RANBP3: variants seen among roughly 807,000 people sequenced by gnomAD.
RANBP3 encodes RAN binding protein 3.
A neutral mutation model predicts 77.3 loss-of-function variants in RANBP3; 14 were observed. That is an observed-to-expected ratio of 0.18 (90% CI 0.12 to 0.28). RANBP3 has a LOEUF of 0.28. RANBP3 is among the 10% of genes least tolerant of loss of function. The pLI, the probability that RANBP3 is intolerant of heterozygous loss-of-function variation, is 1.00. For missense variants in RANBP3, 586 were observed against 752.3 expected (o/e 0.78, Z 2.59); for synonymous variants, 315 against 312.4 (o/e 1.01, Z -0.09).
Position 5,916,446 on chromosome 19 carries a change from C to T in RANBP3, c.*1164G>A, listed in dbSNP as rs918528489. The T allele has an allele frequency of 6.6e-6, 1 of 152,298 alleles. No individual in the cohort carries two copies. The highest frequency in any genetic ancestry group is 2.4e-5 in the African/African-American group (1 of 41,452). 9.4% of individuals were successfully genotyped at this position (152,298 alleles called of 1,614,324 possible). On this transcript the variant is annotated 3_prime_UTR_variant, in exon 17 of 17. Transcript: ENST00000340578. ...TGAAGTCCCAAAGAGGCCCTGTGCC[C>T]AGGGGACCTCCTCCTCGGCCTCCCA...
chr19:5,933,384 C>A, intron 6 of RANBP3, 30 bp downstream of exon 6: 1 of 1,575,034 alleles, frequency 6.3e-7, no homozygotes, highest in Admixed American at 1.8e-5. Context: ...CAGAGAGCCA[C>A]CCCCCGCCCC....
At chr19:5,930,213 G>A (rs941337027) in intron 8 of RANBP3, among the ~76,000 whole-genome samples, 1 of 152,230 alleles carries the variant, frequency 6.6e-6, no homozygotes, top group Non-Finnish European at 1.5e-5. Context: ...AAGCTTCCAA[G>A]CCGCAGAATG....
At chr19:5,922,622 G>C (rs529474221) in intron 13 of RANBP3, among the ~76,000 whole-genome samples, 2 of 152,368 alleles carry the variant, frequency 1.3e-5, no homozygotes, top group East Asian at 3.9e-4. Context: ...TGGTATGACA[G>C]TCTTTGTCAT....
Position 5,924,475 on chromosome 19 carries a change from C to T in RANBP3, c.996+352G>A, listed in dbSNP as rs986378745. Among the ~76,000 whole-genome samples the T allele has an allele frequency of 2.6e-5, 4 of 152,260 alleles. No individual in the cohort carries two copies. Among genetic ancestry groups the T allele is most frequent in the Non-Finnish European group, 5.9e-5 (4 of 68,046 alleles). On this transcript the variant is annotated intron_variant, in intron 11 of 16. Coordinates refer to ENST00000340578, the MANE Select transcript of RANBP3 (RefSeq NM_007322.3). This position sits in a 1 kb window ranked among gnomAD's most constrained non-coding sequence, Gnocchi z 4.7. ...GGAGGCCAGCAACCCTGTCCACCAGCACGGCTGGCTCCGTCCCACAGGACT... is the reference window on the plus strand; with the variant it reads ...GGAGGCCAGCAACCCTGTCCACCAGTACGGCTGGCTCCGTCCCACAGGACT...
intron 5 of RANBP3, among the ~76,000 whole-genome samples, chr19:5,934,687 A>G (rs2145100216): frequency 6.6e-6 from 1 of 152,286 alleles, no homozygotes; most frequent in South Asian, 2.1e-4. Flanking sequence ...TTAAAAACTT[A>G]GCCAGGCATG....
At chr19:5,947,009 G>A (rs1448869335) in intron 3 of RANBP3, among the ~76,000 whole-genome samples, 1 of 152,174 alleles carries the variant, frequency 6.6e-6, no homozygotes, top group East Asian at 1.9e-4. Flanking sequence ...CAGAGCTCAG[G>A]AGGATTTTAA....
At chr19:5,942,700 C>CAAAAAAAA (rs11298054) in intron 3 of RANBP3, among the ~76,000 whole-genome samples, 1 of 90,852 alleles carries the variant, frequency 1.1e-5, no homozygotes. Flanking sequence ...GACTCTGTCT[C>CAAAAAAAA]AAAAAAAAAA....
At chr19:5,919,055 CTG>C (rs1568443498) in intron 14 of RANBP3, among the ~76,000 whole-genome samples, 1 of 152,086 alleles carries the variant, frequency 6.6e-6, no homozygotes, top group Non-Finnish European at 1.5e-5. Flanking sequence ...CATGCGCTTT[CTG>C]TGTGTGTGAG....
At chr19:5,923,169 C>T (rs1318238798) in intron 13 of RANBP3, 25 bp downstream of exon 13, 1 of 1,600,442 alleles carries the variant, frequency 6.2e-7, no homozygotes, top group Non-Finnish European at 8.6e-7. Flanking sequence ...GACCCAGGGC[C>T]ACCGAGGAGG....
rs1179047939 is a variant in RANBP3 at position 5,928,091 on chromosome 19, T to A, written c.694-4A>T. Reference sequence around the variant, plus strand: ...CATTTTTCTGGGGCTCTTTCTCCTATCAAAAACCAAAACAAAACAGAGTAA... The same window carrying A: ...CATTTTTCTGGGGCTCTTTCTCCTAACAAAAACCAAAACAAAACAGAGTAA... On this transcript the variant is annotated splice_region_variant and splice_polypyrimidine_tract_variant and intron_variant, in intron 8 of 16. Coordinates refer to ENST00000340578, the MANE Select transcript of RANBP3 (RefSeq NM_007322.3). The A allele has an allele frequency of 6.2e-7, 1 of 1,606,080 alleles. No homozygotes were observed. Among genetic ancestry groups the A allele is most frequent in the South Asian group, 1.1e-5 (1 of 89,750 alleles).
intron 1 of RANBP3, among the ~76,000 whole-genome samples, chr19:5,977,125 C>T (rs1205626204): frequency 6.6e-6 from 1 of 152,172 alleles, no homozygotes; most frequent in Admixed American, 6.5e-5. Context: ...TAGGGAAAAC[C>T]CTCCAGTCAC....
chr19:5,974,335 A>G (rs775942934), intron 1 of RANBP3: 3 of 152,162 alleles, frequency 2.0e-5, no homozygotes, highest in Admixed American at 1.3e-4. Context: ...TGGAGTTCAA[A>G]TGTGCTTTGC....
At chr19:5,933,511 G>A in intron 5 of RANBP3, 32 bp from the exon 6 acceptor site, 1 of 1,601,050 alleles carries the variant, frequency 6.2e-7, no homozygotes. Context: ...TCAACAGCAG[G>A]CCTGCCTGGG....
Position 5,945,855 on chromosome 19 carries a change from C to T in RANBP3, c.283-4020G>A, listed in dbSNP as rs983797608. On this transcript the variant is annotated intron_variant, in intron 3 of 16. Coordinates refer to ENST00000340578, the MANE Select transcript of RANBP3 (RefSeq NM_007322.3). Reference sequence around the variant, plus strand: ...CTACTCGTGGCTCTAGAAGCAGCCCCGGGAACACTGTGGTGCCCCCAGGCA... The same window carrying T: ...CTACTCGTGGCTCTAGAAGCAGCCCTGGGAACACTGTGGTGCCCCCAGGCA... 8.5e-5 allele frequency among the ~76,000 whole-genome samples: 13 copies of T among 152,088 alleles called. No homozygotes were observed. In the East Asian group the frequency reaches 2.1e-3, roughly 25 times the overall value.
intron 5 of RANBP3, among the ~76,000 whole-genome samples, chr19:5,939,519 G>A (rs971001032): frequency 6.6e-6 from 1 of 152,240 alleles, no homozygotes; most frequent in Admixed American, 6.5e-5. Context: ...ACTTGGCTCT[G>A]AGTCGGAATT....
intron 1 of RANBP3, among the ~76,000 whole-genome samples, chr19:5,964,863 GTGGCAC>G (rs1568479452): frequency 4.9e-3 from 449 of 91,840 alleles, no homozygotes; most frequent in Non-Finnish European, 7.6e-3. Flanking sequence ...GGGGGGGGGG[GTGGCAC>G]GGTGGGGGGT....
intron 9 of RANBP3, among the ~76,000 whole-genome samples, chr19:5,926,317 C>A (rs1253524549): frequency 2.0e-5 from 3 of 152,056 alleles, no homozygotes; most frequent in Admixed American, 2.0e-4. Flanking sequence ...GAGGCTGAGG[C>A]GGCGGGGAAT....
intron 5 of RANBP3, among the ~76,000 whole-genome samples, chr19:5,937,145 C>G (rs921095021): frequency 2.0e-5 from 3 of 148,180 alleles, no homozygotes; most frequent in Non-Finnish European, 4.4e-5. Flanking sequence ...CATCACTGGG[C>G]GCGAACACTG....
In RANBP3 at chr19:5,923,760, C is replaced by A. The variant is rs567224841; in HGVS notation, c.1099+52G>T. The A allele has an allele frequency of 1.4e-5, 20 of 1,449,944 alleles. No homozygotes were observed. In the African/African-American group the frequency reaches 2.5e-4, roughly 18 times the overall value. 89.8% of individuals were successfully genotyped at this position (1,449,944 alleles called of 1,614,324 possible). A position where few individuals can be genotyped will look rare whatever the true frequency, so the allele number is the denominator to read the frequency against. ...CTGGGGGTGTGAATGGACCCAGCATCCCCCAAGATGACCTACCATGAGCCC... is the reference window on the plus strand; with the variant it reads ...CTGGGGGTGTGAATGGACCCAGCATACCCCAAGATGACCTACCATGAGCCC... On this transcript the variant is annotated intron_variant, in intron 12 of 16. Transcript: ENST00000340578.
Sources: allele counts gnomAD v4.1 joint callset (sites outside exome capture counted in the v4.1 genomes callset), GRCh38; gene constraint gnomAD v4.1.1; non-coding constraint Gnocchi (gnomAD v3.1); transcripts MANE v1.5; gene names NCBI Gene and HGNC (gene_info 2026-07-23, HGNC 2026-07-21).